MED12L: variants seen among roughly 807,000 people sequenced by gnomAD.
MED12L encodes mediator of RNA polymerase II transcription subunit 12-like protein.
In MED12L, 60 loss-of-function variants were observed where a neutral mutation model predicts 281.3. The ratio of observed to expected loss-of-function variants is 0.21; its 90% confidence interval spans 0.17 to 0.26. The LOEUF (loss-of-function observed/expected upper bound fraction) is 0.26, where lower values mean the gene tolerates loss of function less well. Among genes scored for constraint, MED12L ranks in the 10% least tolerant of loss-of-function variants. The pLI, the probability that MED12L is intolerant of heterozygous loss-of-function variation, is 1.00. For missense variants in MED12L, 2,146 were observed against 2,680.9 expected, an observed-to-expected ratio of 0.80 and a Z score of 4.41; for synonymous variants, 974 against 987.2, an observed-to-expected ratio of 0.99 and a Z score of 0.25.
chr3:151,196,406 C>T (rs1724666576), intron 16 of MED12L, among the ~76,000 whole-genome samples: 1 of 152,090 alleles, frequency 6.6e-6, no homozygotes, highest in African/African-American at 2.4e-5. Context: ...ACTAGCTTCT[C>T]ATTGCATGTG....
intron 16 of MED12L, among the ~76,000 whole-genome samples, chr3:151,300,528 C>A (rs2149721170): frequency 6.6e-6 from 1 of 152,330 alleles, no homozygotes; most frequent in African/African-American, 2.4e-5. Context: ...GCAGCTGGGT[C>A]TGTTCCCTGT....
Position 151,376,856 on chromosome 3 carries a change from A to G in MED12L, c.4110A>G (p.Lys1370=), listed in dbSNP as rs1756914854. The change falls in exon 29 of 45, where the codon AAA becomes AAG. Residue 1370 remains lysine (K), a synonymous_variant. Transcript: ENST00000687756. ...GGTTAGAACTCCAGCTAATGATCAA[A>G]CAGTGCTTGAAGGACCCTGTGAGTT... ...QSWLELQLMI[K]QCLKDPGSGS... 21 of 1,613,952 alleles carry G rather than the reference A, an allele frequency of 1.3e-5. No homozygotes were observed. The highest frequency in any genetic ancestry group is 1.8e-5 in the Non-Finnish European group (21 of 1,179,954).
intron 5 of MED12L, among the ~76,000 whole-genome samples, chr3:151,145,132 C>T (rs1717594421): frequency 1.3e-5 from 2 of 152,166 alleles, no homozygotes; most frequent in African/African-American, 4.8e-5. Flanking sequence ...CTGAAGCACC[C>T]AGGGGCTGAC....
At chr3:151,086,192 G>T (rs1719155566) in intron 1 of MED12L, among the ~76,000 whole-genome samples, 2 of 152,300 alleles carry the variant, frequency 1.3e-5, no homozygotes, top group Middle Eastern at 3.4e-3. Flanking sequence ...CCGCCGAGGG[G>T]ACCGTAGCTG....
chr3:151,275,890 C>A (rs886698076), intron 16 of MED12L, among the ~76,000 whole-genome samples: 9 of 152,080 alleles, frequency 5.9e-5, no homozygotes, highest in African/African-American at 2.2e-4. Context: ...GGCAATGCAT[C>A]TTTTAGTATT....
chr3:151,295,156 T>C, intron 16 of MED12L: 1 of 1,613,332 alleles, frequency 6.2e-7, no homozygotes, highest in African/African-American at 1.3e-5. Context: ...TGTTCTTTCC[T>C]GGCCCGTCGC....
intron 16 of MED12L, among the ~76,000 whole-genome samples, chr3:151,276,558 CT>C (rs1741893557): frequency 6.6e-6 from 1 of 152,184 alleles, no homozygotes; most frequent in South Asian, 2.1e-4. Context: ...ACCGACCTAA[CT>C]TCTAAGGATA....
At chr3:151,299,507 C>T (rs1745615231) in intron 16 of MED12L, among the ~76,000 whole-genome samples, 1 of 145,110 alleles carries the variant, frequency 6.9e-6, no homozygotes. Flanking sequence ...GATACAGAGT[C>T]TTGCTCTGTC....
chr3:151,335,827 C>T (rs2149911110), intron 16 of MED12L, among the ~76,000 whole-genome samples: 1 of 152,232 alleles, frequency 6.6e-6, no homozygotes, highest in Middle Eastern at 3.4e-3. Context: ...GTAAAATTTC[C>T]ATGGCATATA....
At chr3:151,296,333 C>T (rs1331369817) in intron 16 of MED12L, among the ~76,000 whole-genome samples, 1 of 152,196 alleles carries the variant, frequency 6.6e-6, no homozygotes, top group Non-Finnish European at 1.5e-5. Context: ...ATGGGCCTCT[C>T]ATGTCTCCTA....
intron 16 of MED12L, chr3:151,294,564 C>G: frequency 6.2e-7 from 1 of 1,614,148 alleles, no homozygotes; most frequent in Non-Finnish European, 8.5e-7. Flanking sequence ...CTGGATATGG[C>G]TATGTAACAT....
intron 4 of MED12L, among the ~76,000 whole-genome samples, chr3:151,124,488 T>G (rs1361024087): frequency 6.6e-6 from 1 of 152,238 alleles, no homozygotes; most frequent in Non-Finnish European, 1.5e-5. Context: ...CAGCATATCA[T>G]CTTCTTGAGA....
At chr3:151,328,857 A>G in intron 16 of MED12L, 1 of 1,614,064 alleles carries the variant, frequency 6.2e-7, no homozygotes, top group Non-Finnish European at 8.5e-7. Flanking sequence ...ACAAACACCC[A>G]CAGAGCCAAA....
chr3:151,288,693 C>G lies in MED12L; in HGVS notation c.2251-61366C>G, dbSNP rs192381307. ...ATGATTATGGTTACATATACACTTGCAGGCAGGCCTTGATTTCACAGTTCT... is the reference window on the plus strand; with the variant it reads ...ATGATTATGGTTACATATACACTTGGAGGCAGGCCTTGATTTCACAGTTCT... On this transcript the variant is annotated intron_variant, in intron 16 of 44. Coordinates refer to ENST00000687756, the MANE Select transcript of MED12L (RefSeq NM_001393769.1). 3.8e-3 allele frequency among the ~76,000 whole-genome samples: 576 copies of G among 152,322 alleles called. 4 individuals carry two copies. Among genetic ancestry groups the G allele is most frequent in the African/African-American group, 0.013 (559 of 41,564 alleles).
intron 16 of MED12L, among the ~76,000 whole-genome samples, chr3:151,276,405 C>G (rs570143722): frequency 1.2e-4 from 18 of 152,226 alleles, no homozygotes; most frequent in Non-Finnish European, 2.5e-4. Context: ...CCATCATCCT[C>G]CACTAGACAG....
At chr3:151,301,593 A>G (rs188447377) in intron 16 of MED12L, among the ~76,000 whole-genome samples, 12 of 152,344 alleles carry the variant, frequency 7.9e-5, no homozygotes, top group Admixed American at 5.9e-4. Context: ...ACAGAACCCA[A>G]TTTAAAAAAG....
chr3:151,344,305 T>TA (rs60921069), intron 16 of MED12L, among the ~76,000 whole-genome samples: 81,267 of 150,840 alleles, frequency 0.54, 22,122 homozygotes, highest in African/African-American at 0.59. Context: ...TACTAATGAT[T>TA]AAAAAAAAAC....
At chr3:151,224,306 T>C (rs139331893) in intron 16 of MED12L, among the ~76,000 whole-genome samples, 1 of 152,332 alleles carries the variant, frequency 6.6e-6, no homozygotes, top group East Asian at 1.9e-4. Flanking sequence ...TGGATCTTTT[T>C]CTATGAGATA....
intron 23 of MED12L, among the ~76,000 whole-genome samples, chr3:151,366,463 G>A (rs1755284586): frequency 6.6e-6 from 1 of 152,194 alleles, no homozygotes; most frequent in African/African-American, 2.4e-5. Flanking sequence ...TTCCGAGGAT[G>A]TCCGGTGTTT....
Sources: allele counts gnomAD v4.1 joint callset (sites outside exome capture counted in the v4.1 genomes callset), GRCh38; gene constraint gnomAD v4.1.1; transcripts MANE v1.5; gene names NCBI Gene and HGNC (gene_info 2026-07-23, HGNC 2026-07-21).